GOPC: variants seen among roughly 807,000 people sequenced by gnomAD.
The protein encoded by GOPC is golgi associated PDZ and coiled-coil motif containing.
GOPC carries 32 observed loss-of-function variants against 51.2 expected under a neutral mutation model. The ratio of observed to expected loss-of-function variants is 0.63; its 90% CI spans 0.47 to 0.84. GOPC has a LOEUF of 0.84. GOPC is among the 40% of genes least tolerant of loss of function. The pLI is 0.00. For synonymous variants in GOPC, 190 were observed against 205.1 expected (o/e 0.93, Z 0.63); for missense variants, 441 against 555.5 (o/e 0.79, Z 2.07).
At chr6:117,578,098 T>A (rs1779908470) in intron 2 of GOPC, among the ~76,000 whole-genome samples, 1 of 152,076 alleles carries the variant, frequency 6.6e-6, no homozygotes, top group Admixed American at 6.5e-5. Flanking sequence ...AAAACATATG[T>A]GGTACACAGT....
chr6:117,602,178 C>A lies in GOPC; in HGVS notation c.111G>T (p.Leu37=), dbSNP rs564388366. The change falls in exon 1 of 9, where the codon CTG becomes CTT. Residue 37 remains leucine, a synonymous_variant. Coordinates refer to ENST00000368498, the MANE Select transcript of GOPC (RefSeq NM_020399.4). ...CAAAAGCTTTGTCGAACTCCTTCTC[C>A]AGCACCTCCAGCCACCGGAACATGG... ...GVSMFRWLEV[L]EKEFDKAFVD... 1 of 1,612,950 alleles carries A rather than the reference C, an allele frequency of 6.2e-7. No homozygotes were observed. The highest frequency in any genetic ancestry group is 8.5e-7 in the Non-Finnish European group (1 of 1,180,024).
At chr6:117,584,624 G>A (rs1780004379) in intron 1 of GOPC, among the ~76,000 whole-genome samples, 1 of 152,044 alleles carries the variant, frequency 6.6e-6, no homozygotes, top group South Asian at 2.1e-4. Flanking sequence ...CATCTATCCA[G>A]AAGCTCTCCT....
intron 5 of GOPC, 39 bp downstream of exon 5, chr6:117,573,425 AAAG>A: frequency 6.3e-7 from 1 of 1,578,064 alleles, no homozygotes; most frequent in Non-Finnish European, 8.6e-7. Flanking sequence ...TTAAAGAAAG[AAAG>A]AAGAGGCTGG....
At chr6:117,577,331 A>G in intron 3 of GOPC, 117 bp downstream of exon 3, 1 of 891,204 alleles carries the variant, frequency 1.1e-6, no homozygotes, top group Non-Finnish European at 1.7e-6. Context: ...ACATTAAAAA[A>G]TTGCCATTAT....
At chr6:117,595,506 T>C (rs1780184663) in intron 1 of GOPC, among the ~76,000 whole-genome samples, 1 of 152,214 alleles carries the variant, frequency 6.6e-6, no homozygotes. Context: ...CTGAGCAGTG[T>C]ACACTGTATC....
chr6:117,591,978 C>A (rs959728179), intron 1 of GOPC, among the ~76,000 whole-genome samples: 5 of 152,160 alleles, frequency 3.3e-5, no homozygotes, highest in African/African-American at 1.2e-4. Flanking sequence ...ATATCCTAAT[C>A]TTATCTCATT....
In GOPC at chr6:117,591,776, G is replaced by A. The variant is rs180954268; in HGVS notation, c.285+10228C>T. 3.9e-5 allele frequency among the ~76,000 whole-genome samples: 6 copies of A among 152,158 alleles called. No homozygotes were observed. In the South Asian group the frequency reaches 6.2e-4, roughly 16 times the overall value. ...GAGACAGACAGGCACACTGATCACC[G>A]GGCCAAAGAATTTGAATTTTAGAGA... On this transcript the variant is annotated intron_variant, in intron 1 of 8. Coordinates refer to ENST00000368498, the MANE Select transcript of GOPC (RefSeq NM_020399.4).
intron 8 of GOPC, among the ~76,000 whole-genome samples, chr6:117,565,503 T>G (rs1163519115): frequency 6.6e-6 from 1 of 152,200 alleles, no homozygotes; most frequent in African/African-American, 2.4e-5. Flanking sequence ...CATGCAAAAT[T>G]TTATAACTTC....
At chr6:117,568,046 A>C (rs528582539) in intron 7 of GOPC, among the ~76,000 whole-genome samples, 148 of 151,088 alleles carry the variant, frequency 9.8e-4, no homozygotes, top group African/African-American at 3.5e-3. Flanking sequence ...AAAAAAAAAA[A>C]AAATTAGCTG....
In GOPC at chr6:117,563,171, T is replaced by G; in HGVS notation, c.*83A>C. The G allele has an allele frequency of 7.6e-7, 1 of 1,308,884 alleles. No individual in the cohort carries two copies. Among genetic ancestry groups the G allele is most frequent in the Admixed American group, 1.9e-5 (1 of 53,524 alleles). 81.1% of individuals were successfully genotyped at this position (1,308,884 alleles called of 1,614,324 possible). A position where few individuals can be genotyped will look rare whatever the true frequency, so the allele number is the denominator to read the frequency against. On this transcript the variant is annotated 3_prime_UTR_variant, in exon 9 of 9. Transcript: ENST00000368498. ...TAGGCAACAAACAGCCTCCCCTGATTTTGTAGTCTTTGTCACCATCTTCCC... is the reference window on the plus strand; with the variant it reads ...TAGGCAACAAACAGCCTCCCCTGATGTTGTAGTCTTTGTCACCATCTTCCC...
chr6:117,575,641 A>G (rs1779870274), intron 3 of GOPC: 2 of 527,704 alleles, frequency 3.8e-6, no homozygotes, highest in African/African-American at 3.8e-5. Context: ...TTCAATGGAT[A>G]GTTGAATCTG....
chr6:117,567,255 G>A (rs1383809015), intron 7 of GOPC, among the ~76,000 whole-genome samples: 1 of 152,068 alleles, frequency 6.6e-6, no homozygotes, highest in Non-Finnish European at 1.5e-5. Flanking sequence ...CATTATAGTA[G>A]CTCTTTCTAC....
At chr6:117,567,504 A>G (rs1020871995) in intron 7 of GOPC, among the ~76,000 whole-genome samples, 2 of 152,196 alleles carry the variant, frequency 1.3e-5, no homozygotes, top group Non-Finnish European at 1.5e-5. Flanking sequence ...TAAGGACATC[A>G]TATAAATCTT....
intron 4 of GOPC, among the ~76,000 whole-genome samples, chr6:117,574,420 C>T (rs541896690): frequency 6.6e-6 from 1 of 152,154 alleles, no homozygotes; most frequent in South Asian, 2.1e-4. Flanking sequence ...ATAAATACAG[C>T]AGAATTCTGT....
intron 1 of GOPC, among the ~76,000 whole-genome samples, chr6:117,598,542 G>A (rs1021319849): frequency 3.3e-5 from 5 of 152,286 alleles, no homozygotes; most frequent in South Asian, 2.1e-4. Flanking sequence ...ACAGGACAGC[G>A]TGGGGATGGT....
chr6:117,600,289 A>G (rs1235914567), intron 1 of GOPC, among the ~76,000 whole-genome samples: 5 of 152,212 alleles, frequency 3.3e-5, no homozygotes, highest in South Asian at 2.1e-4. Flanking sequence ...CACTCCTATG[A>G]TAACTCATTC....
chr6:117,594,140 G>C (rs1780158131), intron 1 of GOPC, among the ~76,000 whole-genome samples: 1 of 152,152 alleles, frequency 6.6e-6, no homozygotes, highest in Admixed American at 6.5e-5. Flanking sequence ...TGTAGAAATA[G>C]TCCCTCTCTG....
rs1304293065 is a variant in GOPC at position 117,570,914 on chromosome 6, A to C, written c.858T>G (p.Ile286Met). The part of the protein sequence containing the change: ...SLKKSQGVGP[I>M]RKVLLLKEDH... ...CTTCCTTAAGGAGGAGAACTTTTCT[A>C]ATTGGACCAACACCTTGGCTTTTCT... The change falls in exon 6 of 9, where the codon ATT becomes ATG. Residue 286 changes from isoleucine (I) to methionine (M), a missense_variant. Transcript: ENST00000368498. The C allele has an allele frequency of 2.5e-6, 4 of 1,599,516 alleles. No individual in the cohort carries two copies. Among genetic ancestry groups the C allele is most frequent in the Non-Finnish European group, 3.4e-6 (4 of 1,170,400 alleles).
chr6:117,563,514 G>A (rs1296710994), intron 8 of GOPC, 130 bp from the exon 9 acceptor site: 8 of 792,968 alleles, frequency 1.0e-5, no homozygotes, highest in Non-Finnish European at 1.6e-5. Context: ...CTGAGGTTAG[G>A]GGTTCGAGAC....
Sources: gnomAD v4.1 joint callset for allele counts (sites outside exome capture counted in the v4.1 genomes callset) on GRCh38, gnomAD v4.1.1 for gene constraint, MANE v1.5 for transcripts, NCBI Gene and HGNC (gene_info 2026-07-23, HGNC 2026-07-21) for gene names.